The following ADGRV1 variants were observed in gnomAD, a reference collection of about 807,000 sequenced individuals.
The protein encoded by ADGRV1 is adhesion G protein-coupled receptor V1.
A neutral mutation model predicts 596.2 loss-of-function variants in ADGRV1; 359 were observed. The ratio of observed to expected loss-of-function variants is 0.60; its 90% CI spans 0.55 to 0.66. ADGRV1 has a LOEUF of 0.66. Ranked by LOEUF, ADGRV1 falls within the 30% of genes least tolerant of loss-of-function variation. The probability of loss-of-function intolerance (pLI) is 0.00; values close to 1 mark genes in which losing one functional copy is unlikely to be tolerated. For synonymous variants in ADGRV1, 2,681 were observed against 2,679.2 expected (o/e 1.00, Z -0.02); for missense variants, 7,274 against 7,575.6 (o/e 0.96, Z 1.48).
intron 85 of ADGRV1, among the ~76,000 whole-genome samples, chr5:91,034,615 C>T (rs1784724416): frequency 6.6e-6 from 1 of 152,156 alleles, no homozygotes; most frequent in Non-Finnish European, 1.5e-5. Flanking sequence ...CGAATTTCTG[C>T]TTTCCCTGTA....
At chr5:91,149,831 C>CAAAAAAAAAAAAAAAAAA in intron 87 of ADGRV1, among the ~76,000 whole-genome samples, 199 bp from the exon 88 acceptor site, 1 of 85,924 alleles carries the variant, frequency 1.2e-5, no homozygotes, top group Non-Finnish European at 2.1e-5. Flanking sequence ...AACTCCAGCT[C>CAAAAAAAAAAAAAAAAAA]AAAAAAAAAA....
At chr5:90,714,814 A>G (rs1201475454) in intron 42 of ADGRV1, among the ~76,000 whole-genome samples, 1 of 151,918 alleles carries the variant, frequency 6.6e-6, no homozygotes, top group Non-Finnish European at 1.5e-5. Context: ...CTATTTGCCT[A>G]TTTATGTGCT....
intron 31 of ADGRV1, 130 bp from the exon 32 acceptor site, chr5:90,692,475 A>C (rs1746605955): frequency 1.5e-6 from 1 of 668,906 alleles, no homozygotes; most frequent in South Asian, 2.2e-5. Context: ...GAGTTCTTTT[A>C]GTCCATTTAT....
intron 58 of ADGRV1, among the ~76,000 whole-genome samples, chr5:90,762,124 A>G (rs1372088277): frequency 6.6e-6 from 1 of 152,198 alleles, no homozygotes; most frequent in Non-Finnish European, 1.5e-5. Context: ...ACCCATGGAA[A>G]TCTACTTGTG....
At chr5:90,828,533 A>G (rs1764252599) in intron 76 of ADGRV1, among the ~76,000 whole-genome samples, 1 of 152,172 alleles carries the variant, frequency 6.6e-6, no homozygotes, top group Non-Finnish European at 1.5e-5. Flanking sequence ...CATTCTATAC[A>G]TATCATTATA....
At chr5:91,103,554 G>A (rs1791580548) in intron 87 of ADGRV1, among the ~76,000 whole-genome samples, 1 of 151,774 alleles carries the variant, frequency 6.6e-6, no homozygotes, top group African/African-American at 2.4e-5. Flanking sequence ...TAAGAACAAG[G>A]TCCAAACTGA....
intron 87 of ADGRV1, among the ~76,000 whole-genome samples, chr5:91,132,277 T>A (rs1794283108): frequency 6.6e-6 from 1 of 152,236 alleles, no homozygotes; most frequent in African/African-American, 2.4e-5. Flanking sequence ...AAAATCAATG[T>A]GGCTTTAATT....
chr5:90,686,549 ATTT>A (rs1258215299), intron 29 of ADGRV1, among the ~76,000 whole-genome samples: 8 of 152,000 alleles, frequency 5.3e-5, no homozygotes, highest in Admixed American at 4.6e-4. Context: ...TGAACTCATC[ATTT>A]TTTATGGCTG....
At chr5:90,868,791 A>G (rs1437070825) in intron 83 of ADGRV1, among the ~76,000 whole-genome samples, 2 of 152,096 alleles carry the variant, frequency 1.3e-5, no homozygotes, top group Non-Finnish European at 2.9e-5. Context: ...ATGAATATAC[A>G]TTTAAGTTGA....
In ADGRV1 at chr5:90,757,160, A is replaced by G. The variant is rs751440264; in HGVS notation, c.11939A>G (p.Gln3980Arg). Residue 3980 changes from glutamine to arginine, a missense_variant and splice_region_variant, in exon 57 of 90, where the codon CAG becomes CGG. By Grantham distance (43) the Gln-to-Arg change is conservative (BLOSUM62 1). Transcript: ENST00000405460. ...SHGILEFADK[Q>R]VTAMIEITII... is the part of the protein sequence containing the mutation. ...GGGATTCTTGAATTTGCAGATAAAC[A>G]GGTATGCCAGTCATTAACATATTAG... The G allele has an allele frequency of 1.9e-6, 3 of 1,613,296 alleles. No homozygotes were observed. The Admixed American group carries it at 5.0e-5, about 27-fold the overall frequency.
intron 59 of ADGRV1, among the ~76,000 whole-genome samples, chr5:90,773,468 G>C (rs1317151620): frequency 3.9e-5 from 6 of 152,072 alleles, no homozygotes; most frequent in African/African-American, 1.4e-4. Flanking sequence ...ACATTCTTAT[G>C]AGTTACCAGT....
At chr5:90,667,150 G>A (rs1313547345) in intron 21 of ADGRV1, among the ~76,000 whole-genome samples, 2 of 148,784 alleles carry the variant, frequency 1.3e-5, no homozygotes, top group Non-Finnish European at 3.0e-5. Flanking sequence ...GAATCTGAAC[G>A]TTGGCCTGCC....
intron 85 of ADGRV1, among the ~76,000 whole-genome samples, chr5:91,029,953 A>T (rs1174907153): frequency 6.6e-6 from 1 of 152,124 alleles, no homozygotes; most frequent in Non-Finnish European, 1.5e-5. Context: ...TATTCTATTC[A>T]TCTGGAATGT....
chr5:90,661,641 A>G (rs1005470091), intron 21 of ADGRV1, among the ~76,000 whole-genome samples: 1 of 152,138 alleles, frequency 6.6e-6, no homozygotes, highest in Non-Finnish European at 1.5e-5. Flanking sequence ...TCTGTTTATT[A>G]TTACTGTTCT....
At chr5:90,971,160 A>G (rs1334491141) in intron 84 of ADGRV1, among the ~76,000 whole-genome samples, 1 of 152,186 alleles carries the variant, frequency 6.6e-6, no homozygotes, top group African/African-American at 2.4e-5. Context: ...AGAGAAAAAG[A>G]GTAAAAAGAA....
At chr5:90,890,512 T>C (rs959536349) in intron 83 of ADGRV1, among the ~76,000 whole-genome samples, 6 of 152,106 alleles carry the variant, frequency 3.9e-5, no homozygotes, top group African/African-American at 1.2e-4. Flanking sequence ...CACCCACCTG[T>C]TAAATGAAGC....
At position 90,745,494 on chromosome 5, in the gene ADGRV1, C is replaced by T. The variant is rs1486062708; in HGVS notation, c.10770-97C>T. ...TCGTTATGAAATGTTGTGATTCTTCCAAACCTTTAATATCAATTAATGTAA... is the reference window on the plus strand; with the variant it reads ...TCGTTATGAAATGTTGTGATTCTTCTAAACCTTTAATATCAATTAATGTAA... On this transcript the variant is annotated intron_variant, in intron 51 of 89. Transcript: ENST00000405460. 6 of 884,824 alleles carry T rather than the reference C, an allele frequency of 6.8e-6. No homozygotes were observed. The East Asian group carries it at 1.3e-4, about 19-fold the overall frequency. 54.8% of individuals were successfully genotyped at this position (884,824 alleles called of 1,614,324 possible).
chr5:90,811,307 A>C lies in ADGRV1; in HGVS notation c.16047A>C (p.Gly5349=), dbSNP rs922177729. The change falls in exon 74 of 90, where the codon GGA becomes GGC. Residue 5349 remains glycine, a synonymous_variant. Transcript: ENST00000405460. ...TTGTGGAGGAGAAGGATGATACTGG[A>C]TTTGCAGCTTTTGCCATGGTTATTA... ...AQIVEEKDDT[G]FAAFAMVIIT... 2 of 1,608,230 alleles carry C rather than the reference A, an allele frequency of 1.2e-6. No homozygotes were observed. The highest frequency in any genetic ancestry group is 1.3e-5 in the African/African-American group (1 of 74,842).
intron 87 of ADGRV1, among the ~76,000 whole-genome samples, chr5:91,112,690 TA>T (rs978464027): frequency 6.6e-6 from 1 of 151,512 alleles, no homozygotes; most frequent in African/African-American, 2.4e-5. Flanking sequence ...ATACATTTTT[TA>T]AAAAAAAACT....
Sources: allele counts gnomAD v4.1 joint callset (sites outside exome capture counted in the v4.1 genomes callset), GRCh38; gene constraint gnomAD v4.1.1; transcripts MANE v1.5; gene names NCBI Gene and HGNC (gene_info 2026-07-23, HGNC 2026-07-21).